Variants in ASIC2 observed in about 807,000 individuals in gnomAD.
ASIC2 encodes the protein acid sensing ion channel subunit 2.
A neutral mutation model predicts 57.3 loss-of-function variants in ASIC2; 25 were observed. That is an observed-to-expected ratio of 0.44 (90% CI 0.32 to 0.61). ASIC2 has a LOEUF of 0.61. Ranked by LOEUF, ASIC2 falls within the 20% of genes least tolerant of loss-of-function variation. The pLI is 0.06. For synonymous variants in ASIC2, 319 were observed against 307.5 expected (o/e 1.04, Z -0.39); for missense variants, 641 against 738.1 (o/e 0.87, Z 1.52).
chr17:33,830,855 A>G (rs1913086065), intron 1 of ASIC2, among the ~76,000 whole-genome samples: 1 of 152,048 alleles, frequency 6.6e-6, no homozygotes, highest in Non-Finnish European at 1.5e-5. Context: ...TCAGGCCTAT[A>G]ATCCCAGCAT....
intron 1 of ASIC2, among the ~76,000 whole-genome samples, chr17:34,049,755 C>T (rs896970220): frequency 1.3e-5 from 2 of 152,202 alleles, no homozygotes; most frequent in Admixed American, 6.5e-5. Context: ...TCTACTTACC[C>T]TTTGAAACTT....
chr17:33,500,897 T>C (rs1269951412), intron 1 of ASIC2, among the ~76,000 whole-genome samples: 1 of 152,256 alleles, frequency 6.6e-6, no homozygotes, highest in Non-Finnish European at 1.5e-5. Context: ...GTGTTCCTTG[T>C]ATGTGAATGT....
intron 1 of ASIC2, among the ~76,000 whole-genome samples, chr17:33,924,765 G>T (rs1214603739): frequency 2.0e-5 from 3 of 152,200 alleles, no homozygotes; most frequent in African/African-American, 7.2e-5. Context: ...GTCTCGGGCT[G>T]TTCAATTCAC....
intron 1 of ASIC2, among the ~76,000 whole-genome samples, chr17:33,783,604 C>A (rs1911520623): frequency 6.6e-6 from 1 of 152,356 alleles, no homozygotes; most frequent in African/African-American, 2.4e-5. Context: ...TAGGTGGTGT[C>A]TGGGCCACCC....
chr17:33,457,360 T>C (rs9890518), intron 1 of ASIC2, among the ~76,000 whole-genome samples: 53,989 of 151,846 alleles, frequency 0.36, 9,804 homozygotes, highest in Middle Eastern at 0.48. Context: ...GTCTATTTAC[T>C]GAGTGTATGA....
chr17:33,972,823 G>A (rs1029202916), intron 1 of ASIC2, among the ~76,000 whole-genome samples: 1 of 152,224 alleles, frequency 6.6e-6, no homozygotes, highest in Admixed American at 6.5e-5. Context: ...CTTGGGCCCC[G>A]TCGCAGACAA....
intron 1 of ASIC2, among the ~76,000 whole-genome samples, chr17:33,562,898 C>T (rs1018340779): frequency 2.6e-5 from 4 of 152,112 alleles, no homozygotes; most frequent in Non-Finnish European, 5.9e-5. Flanking sequence ...TGAGTGTCAC[C>T]CTCTTGATTC....
intron 1 of ASIC2, among the ~76,000 whole-genome samples, chr17:33,771,549 GT>G (rs142515059): frequency 2.7e-5 from 4 of 148,626 alleles, no homozygotes; most frequent in East Asian, 3.9e-4. Context: ...TTACATTAGT[GT>G]TTTTTTTTTC....
chr17:33,769,715 G>A (rs1294128440), intron 1 of ASIC2, among the ~76,000 whole-genome samples: 6 of 152,214 alleles, frequency 3.9e-5, no homozygotes, highest in Non-Finnish European at 8.8e-5. Context: ...AGGAAGAGAC[G>A]ATCCACTCTC....
intron 1 of ASIC2, among the ~76,000 whole-genome samples, chr17:33,881,823 C>T (rs1336888521): frequency 6.6e-6 from 1 of 152,156 alleles, no homozygotes; most frequent in African/African-American, 2.4e-5. Context: ...GCCAAAAGAA[C>T]AAAGCTGGAG....
rs375864637 is a variant in ASIC2, at chr17:33,585,714, T to G, written c.556-473647A>C. 3.5e-4 allele frequency among the ~76,000 whole-genome samples: 54 copies of G among 152,254 alleles called. 1 individual carries two copies. The highest frequency in any genetic ancestry group is 3.5e-3 in the Admixed American group (54 of 15,282). ...ACAGATGGGATTTCTTATCCTTTTTTGTTATGGCAACCAGGTAGGATGTTA... is the reference window on the plus strand; with the variant it reads ...ACAGATGGGATTTCTTATCCTTTTTGGTTATGGCAACCAGGTAGGATGTTA... On this transcript the variant is annotated intron_variant, in intron 1 of 9. Coordinates refer to the ASIC2 transcript ENST00000359872.
Position 34,156,699 on chromosome 17 carries a change from A to G in ASIC2, c.-167T>C, listed in dbSNP as rs1904737335. On this transcript the variant is annotated 5_prime_UTR_variant, in exon 1 of 10. Coordinates refer to the ASIC2 transcript ENST00000359872. This position sits in a 1 kb window ranked among gnomAD's most constrained non-coding sequence, Gnocchi z 4.4. ...CCTGAGAGCCCAGCCGCACGCTGACAGGGGTGAGTGTTTATATAAAACCCA... is the reference window on the plus strand; with the variant it reads ...CCTGAGAGCCCAGCCGCACGCTGACGGGGGTGAGTGTTTATATAAAACCCA... 3.0e-6 allele frequency: 2 copies of G among 673,866 alleles called. No individual in the cohort carries two copies. The highest frequency in any genetic ancestry group is 4.9e-6 in the Non-Finnish European group (2 of 406,690). 41.7% of individuals were successfully genotyped at this position (673,866 alleles called of 1,614,324 possible).
chr17:33,875,058 G>A (rs1255383328), intron 1 of ASIC2, among the ~76,000 whole-genome samples: 1 of 152,184 alleles, frequency 6.6e-6, no homozygotes, highest in African/African-American at 2.4e-5. Flanking sequence ...ATCTACTGGA[G>A]CTATTCACCT....
At chr17:33,970,611 G>A (rs978996712) in intron 1 of ASIC2, among the ~76,000 whole-genome samples, 8 of 152,204 alleles carry the variant, frequency 5.3e-5, no homozygotes, top group African/African-American at 1.9e-4. Flanking sequence ...AGGCCAAGGA[G>A]GAGGATTTAT....
chr17:34,052,712 G>A (rs928510598), intron 1 of ASIC2, among the ~76,000 whole-genome samples: 3 of 151,876 alleles, frequency 2.0e-5, no homozygotes, highest in Non-Finnish European at 4.4e-5. Flanking sequence ...TGCCTCCCGG[G>A]TTCAAGCGAT....
intron 1 of ASIC2, among the ~76,000 whole-genome samples, chr17:34,150,320 T>C (rs1258522931): frequency 6.6e-6 from 1 of 152,176 alleles, no homozygotes; most frequent in East Asian, 1.9e-4. Context: ...AAATCTATTG[T>C]ACATCATAAT....
At chr17:33,768,165 C>T (rs1412095076) in intron 1 of ASIC2, among the ~76,000 whole-genome samples, 1 of 151,598 alleles carries the variant, frequency 6.6e-6, no homozygotes, top group Non-Finnish European at 1.5e-5. Context: ...CCTGCCACCG[C>T]GCCCTGCTAA....
At chr17:33,814,022 G>T (rs1009669076) in intron 1 of ASIC2, among the ~76,000 whole-genome samples, 3 of 152,124 alleles carry the variant, frequency 2.0e-5, no homozygotes, top group African/African-American at 4.8e-5. Flanking sequence ...CAGGTGGGTA[G>T]GTTCACAGAG....
intron 1 of ASIC2, among the ~76,000 whole-genome samples, chr17:33,423,233 T>G (rs1239969255): frequency 6.6e-6 from 1 of 152,208 alleles, no homozygotes; most frequent in East Asian, 1.9e-4. Flanking sequence ...GGTCTTGGTA[T>G]GTTTTAAATG....
Sources: allele counts gnomAD v4.1 joint callset (sites outside exome capture counted in the v4.1 genomes callset), GRCh38; gene constraint gnomAD v4.1.1; non-coding constraint Gnocchi (gnomAD v3.1); transcripts MANE v1.5; gene names NCBI Gene and HGNC (gene_info 2026-07-23, HGNC 2026-07-21).